The following KLHL32 variants were observed in gnomAD, a reference collection of about 807,000 sequenced individuals.
KLHL32 encodes kelch-like protein 32.
In KLHL32, 35 loss-of-function variants were observed where a neutral mutation model predicts 64.8. The ratio of observed to expected loss-of-function variants is 0.54; its 90% CI spans 0.41 to 0.72. The LOEUF (loss-of-function observed/expected upper bound fraction) is 0.72. KLHL32 is among the 30% of genes least tolerant of loss of function. The pLI is 0.00. For synonymous variants in KLHL32, 259 were observed against 281.0 expected (o/e 0.92, Z 0.78); for missense variants, 589 against 768.5 (o/e 0.77, Z 2.76).
intron 4 of KLHL32, among the ~76,000 whole-genome samples, chr6:97,056,162 G>A (rs1236105999): frequency 7.3e-6 from 1 of 137,384 alleles, no homozygotes; most frequent in African/African-American, 2.8e-5. Context: ...CTGGAGTGCA[G>A]TGGCACGATC....
chr6:97,020,822 C>A (rs1259289025), intron 3 of KLHL32, among the ~76,000 whole-genome samples: 1 of 150,768 alleles, frequency 6.6e-6, no homozygotes, highest in African/African-American at 2.5e-5. Flanking sequence ...GCTGCCCCTT[C>A]TGAACCTTCC....
chr6:97,097,130 C>T (rs1015779155), intron 6 of KLHL32, among the ~76,000 whole-genome samples: 4 of 152,132 alleles, frequency 2.6e-5, no homozygotes, highest in African/African-American at 4.8e-5. Context: ...AAAAAAACCA[C>T]GCAAATTTAA....
intron 1 of KLHL32, among the ~76,000 whole-genome samples, chr6:96,949,414 G>A (rs1772306047): frequency 6.6e-6 from 1 of 152,100 alleles, no homozygotes; most frequent in South Asian, 2.1e-4. Flanking sequence ...CCCAGATCCA[G>A]TGTCTCTGGG....
chr6:96,911,460 C>A, the KLHL32 span, among the ~76,000 whole-genome samples: 20 of 152,142 alleles, frequency 1.3e-4, no homozygotes, highest in Admixed American at 4.6e-4. Context: ...GCTGTCTATT[C>A]TTTGACCTTT....
At chr6:97,090,494 C>G (rs186741492) in intron 6 of KLHL32, among the ~76,000 whole-genome samples, 1 of 152,240 alleles carries the variant, frequency 6.6e-6, no homozygotes, top group Admixed American at 6.5e-5. Flanking sequence ...TCATTTTCTT[C>G]AAAAGGAGTC....
intron 6 of KLHL32, among the ~76,000 whole-genome samples, chr6:97,085,938 A>G (rs1352332863): frequency 6.6e-6 from 1 of 152,202 alleles, no homozygotes; most frequent in Non-Finnish European, 1.5e-5. Flanking sequence ...TCTAGAGGAC[A>G]GGAGGATGTT....
Position 96,943,036 on chromosome 6 carries a change from TACACACACAC to T in KLHL32, c.-66+18035_-66+18044del, listed in dbSNP as rs113696398. On this transcript the variant is annotated intron_variant, in intron 1 of 10. Coordinates refer to ENST00000369261, the MANE Select transcript of KLHL32 (RefSeq NM_052904.4). ...TGAGATGTATTGTTCATGCTCCCTC[TACACACACAC>T]ACACACACACACACACACACACACT... Among the ~76,000 whole-genome samples, 329 of 146,426 alleles carry T rather than the reference TACACACACAC, an allele frequency of 2.2e-3. 1 individual carries two copies. Among genetic ancestry groups the T allele is most frequent in the African/African-American group, 7.8e-3 (310 of 39,874 alleles).
intron 6 of KLHL32, chr6:97,105,294 A>G (rs961171365): frequency 5.3e-6 from 2 of 375,842 alleles, no homozygotes; most frequent in African/African-American, 2.1e-5. Flanking sequence ...TCTATGCATC[A>G]TCATCCATTC....
intron 2 of KLHL32, among the ~76,000 whole-genome samples, chr6:96,967,679 G>T (rs1228492147): frequency 6.6e-6 from 1 of 152,070 alleles, no homozygotes; most frequent in Non-Finnish European, 1.5e-5. Flanking sequence ...AACAGATAAG[G>T]TTCCTTCCCT....
chr6:97,054,093 A>G (rs1787405558), intron 4 of KLHL32, among the ~76,000 whole-genome samples: 1 of 152,116 alleles, frequency 6.6e-6, no homozygotes, highest in African/African-American at 2.4e-5. Context: ...AAGTTTTTTA[A>G]AAAGAAAGCA....
At chr6:96,959,266 TGGAGGTAGTGTGGTCTGCAGGCCC>T (rs1351412904) in intron 1 of KLHL32, among the ~76,000 whole-genome samples, 1 of 152,038 alleles carries the variant, frequency 6.6e-6, no homozygotes, top group Non-Finnish European at 1.5e-5. Context: ...ATCCCAGACC[TGGAGGTAGTGTGGTCTGCAGGCCC>T]GGGACAGCTT....
At chr6:96,940,975 T>C (rs1222944441) in intron 1 of KLHL32, among the ~76,000 whole-genome samples, 1 of 152,190 alleles carries the variant, frequency 6.6e-6, no homozygotes, top group African/African-American at 2.4e-5. Flanking sequence ...TGATGTGAAA[T>C]GTACAAATCA....
At chr6:97,088,926 C>A (rs111341807) in intron 6 of KLHL32, among the ~76,000 whole-genome samples, 4 of 152,114 alleles carry the variant, frequency 2.6e-5, no homozygotes, top group African/African-American at 4.8e-5. Flanking sequence ...TTCTCTTTCA[C>A]CAGAGTAAGA....
chr6:96,942,966 T>A (rs1320137472), intron 1 of KLHL32, among the ~76,000 whole-genome samples: 2 of 150,902 alleles, frequency 1.3e-5, no homozygotes, highest in African/African-American at 4.9e-5. Context: ...CATTCAGGGC[T>A]AGAGATTTAG....
rs1160365142 is a variant in KLHL32, at chr6:97,135,832, ATAAAT to A, written c.1701+3092_1701+3096del. Among the ~76,000 whole-genome samples, 6 of 152,298 alleles carry A rather than the reference ATAAAT, an allele frequency of 3.9e-5. No individual in the cohort carries two copies. The East Asian group carries it at 9.7e-4, about 25-fold the overall frequency. On this transcript the variant is annotated intron_variant, in intron 10 of 10. Transcript: ENST00000369261. ...AATTGGTTTCAATACACTAACAGTA[ATAAAT>A]TAAATTGATGGTTGGAGAGAATAGC...
chr6:97,013,075 A>T (rs1206095), intron 3 of KLHL32, among the ~76,000 whole-genome samples: 13,767 of 152,270 alleles, frequency 0.09, 693 homozygotes, highest in Non-Finnish European at 0.12. Context: ...ATTTTGTGAG[A>T]AAAGGATACT....
chr6:97,054,165 C>T (rs1435789737), intron 4 of KLHL32, among the ~76,000 whole-genome samples: 1 of 151,984 alleles, frequency 6.6e-6, no homozygotes, highest in Non-Finnish European at 1.5e-5. Context: ...ATTTGCTAAA[C>T]AGTACTTTTA....
At chr6:97,137,888 G>A (rs1800217813) in intron 10 of KLHL32, among the ~76,000 whole-genome samples, 1 of 152,146 alleles carries the variant, frequency 6.6e-6, no homozygotes, top group Non-Finnish European at 1.5e-5. Context: ...AGGCATGAGA[G>A]TGGACTAGAT....
At chr6:97,071,564 C>T (rs771500115) in intron 5 of KLHL32, among the ~76,000 whole-genome samples, 1 of 152,270 alleles carries the variant, frequency 6.6e-6, no homozygotes, top group African/African-American at 2.4e-5. Context: ...GTTCAGCCAG[C>T]ATTTCACTTG....
Sources: allele counts gnomAD v4.1 joint callset (sites outside exome capture counted in the v4.1 genomes callset), GRCh38; gene constraint gnomAD v4.1.1; transcripts MANE v1.5; gene names NCBI Gene and HGNC (gene_info 2026-07-23, HGNC 2026-07-21).